NTM: variants seen among roughly 807,000 people sequenced by gnomAD.
NTM encodes IgLON family member 2.
NTM carries 13 observed loss-of-function variants against 42.1 expected under a neutral mutation model. The observed-to-expected ratio is 0.31, with a 90% CI of 0.20 to 0.49. The LOEUF is 0.49. NTM is among the 20% of genes least tolerant of loss of function. The pLI, the probability that NTM is intolerant of heterozygous loss-of-function variation, is 0.99. For missense variants in NTM, 373 were observed against 452.8 expected, an observed-to-expected ratio of 0.82 and a Z score of 1.60; for synonymous variants, 187 against 179.2, an observed-to-expected ratio of 1.04 and a Z score of -0.35.
At chr11:132,128,197 A>G (rs775656626) in intron 2 of NTM, among the ~76,000 whole-genome samples, 2 of 151,862 alleles carry the variant, frequency 1.3e-5, no homozygotes, top group East Asian at 1.9e-4. Context: ...TTTCCCAGAC[A>G]CTAAAGTATA....
chr11:131,850,979 T>G (rs1352348908), intron 1 of NTM, among the ~76,000 whole-genome samples: 1 of 152,138 alleles, frequency 6.6e-6, no homozygotes, highest in Non-Finnish European at 1.5e-5. Flanking sequence ...TTGCAGAACA[T>G]CATTCCTACC....
At chr11:131,449,945 A>T (rs1466711889) in intron 1 of NTM, among the ~76,000 whole-genome samples, 1 of 152,124 alleles carries the variant, frequency 6.6e-6, no homozygotes, top group East Asian at 1.9e-4. Context: ...CCCCATGTTT[A>T]CTCACGCACG....
At chr11:131,487,492 T>G (rs1954304976) in intron 1 of NTM, among the ~76,000 whole-genome samples, 1 of 152,230 alleles carries the variant, frequency 6.6e-6, no homozygotes, top group East Asian at 1.9e-4. Context: ...CCAGTAGCCA[T>G]GACTTCCTGT....
At chr11:131,381,927 G>A (rs1234376201) in intron 1 of NTM, among the ~76,000 whole-genome samples, 2 of 152,216 alleles carry the variant, frequency 1.3e-5, no homozygotes, top group African/African-American at 4.8e-5. Context: ...GGGAGGTACA[G>A]CTAAGCATAA....
chr11:131,502,719 C>T (rs879678928), intron 1 of NTM: 1 of 152,220 alleles, frequency 6.6e-6, no homozygotes, highest in Non-Finnish European at 1.5e-5. Context: ...AAAACGTAGC[C>T]TCCAAAAGGC....
intron 1 of NTM, among the ~76,000 whole-genome samples, chr11:131,664,834 G>A (rs932513293): frequency 2.2e-5 from 3 of 136,802 alleles, no homozygotes; most frequent in Non-Finnish European, 3.1e-5. Flanking sequence ...TTTTACATCT[G>A]TTGCCATCCT....
At chr11:132,220,543 A>T (rs2084936658) in intron 4 of NTM, among the ~76,000 whole-genome samples, 1 of 152,248 alleles carries the variant, frequency 6.6e-6, no homozygotes, top group African/African-American at 2.4e-5. Flanking sequence ...CAATGTGCTG[A>T]ATTGAGAACA....
Position 132,206,647 on chromosome 11 carries a change from T to C in NTM, c.401-5375T>C, listed in dbSNP as rs372794217. Among the ~76,000 whole-genome samples, 20 of 152,344 alleles carry C rather than the reference T, an allele frequency of 1.3e-4. 1 individual carries two copies. The highest frequency in any genetic ancestry group is 4.6e-4 in the African/African-American group (19 of 41,576). ...GCCGGATCTCAGCCCCTGCTCTGCGTTGCCTCTTGTAGTCAATAGACATTG... is the reference window on the plus strand; with the variant it reads ...GCCGGATCTCAGCCCCTGCTCTGCGCTGCCTCTTGTAGTCAATAGACATTG... On this transcript the variant is annotated intron_variant, in intron 3 of 8. Coordinates refer to ENST00000683400, the MANE Select transcript of NTM (RefSeq NM_001352005.2).
chr11:131,937,015 CA>C, intron 2 of NTM, among the ~76,000 whole-genome samples: 1 of 152,278 alleles, frequency 6.6e-6, no homozygotes, highest in Admixed American at 6.5e-5. Context: ...ATCTTAGGTC[CA>C]AAGAAAAAGG....
chr11:131,622,947 T>C (rs996361170), intron 1 of NTM, among the ~76,000 whole-genome samples: 3 of 152,122 alleles, frequency 2.0e-5, no homozygotes, highest in Non-Finnish European at 4.4e-5. Flanking sequence ...AGACTTCAAA[T>C]TGGCGTTCTC....
chr11:132,202,071 C>G (rs2081247466), intron 3 of NTM, among the ~76,000 whole-genome samples: 1 of 152,168 alleles, frequency 6.6e-6, no homozygotes, highest in Non-Finnish European at 1.5e-5. Context: ...TTAATTGATT[C>G]CTTTCTCATT....
intron 1 of NTM, among the ~76,000 whole-genome samples, chr11:131,540,205 C>T (rs1163885885): frequency 3.3e-5 from 4 of 121,090 alleles, no homozygotes; most frequent in Non-Finnish European, 6.4e-5. Context: ...CCCTCTGTTG[C>T]CCAGGAAGGA....
intron 1 of NTM, among the ~76,000 whole-genome samples, chr11:131,855,375 C>G (rs1005536170): frequency 3.9e-5 from 6 of 152,172 alleles, no homozygotes; most frequent in African/African-American, 1.4e-4. Context: ...CCATACCACA[C>G]TCAGAAGCAA....
chr11:131,881,746 T>A (rs902790872), intron 1 of NTM, among the ~76,000 whole-genome samples: 1 of 152,172 alleles, frequency 6.6e-6, no homozygotes, highest in African/African-American at 2.4e-5. Context: ...TCTCTCCAAT[T>A]ATTGAGTACC....
At position 132,335,798 on chromosome 11, in the gene NTM, TTTCA is replaced by T. The variant is rs1411446203; in HGVS notation, c.*655_*658del. The T allele has an allele frequency of 4.6e-5, 7 of 152,258 alleles. No homozygotes were observed. Among genetic ancestry groups the T allele is most frequent in the South Asian group, 4.2e-4 (2 of 4,818 alleles). 9.4% of individuals were successfully genotyped at this position (152,258 alleles called of 1,614,324 possible). A position where few individuals can be genotyped will look rare whatever the true frequency, so the allele number is the denominator to read the frequency against. On this transcript the variant is annotated 3_prime_UTR_variant, in exon 9 of 9. Coordinates refer to ENST00000683400, the MANE Select transcript of NTM (RefSeq NM_001352005.2). ...ACAAGGGATTCTGATTCATTATTAA[TTTCA>T]TTAATTATATTTTCTGATATGAGTC... is the stretch of plus-strand genomic sequence containing the variant.
At chr11:131,490,049 G>A (rs892143998) in intron 1 of NTM, among the ~76,000 whole-genome samples, 9 of 152,168 alleles carry the variant, frequency 5.9e-5, no homozygotes, top group Non-Finnish European at 2.9e-5. Flanking sequence ...TGGCGAGAGA[G>A]GAAGCAAGGG....
intron 4 of NTM, among the ~76,000 whole-genome samples, chr11:132,262,496 G>A (rs2139560730): frequency 6.6e-6 from 1 of 152,320 alleles, no homozygotes; most frequent in South Asian, 2.1e-4. Flanking sequence ...TCTGGTGGGG[G>A]CTCTCTTCTT....
At chr11:131,983,336 T>C (rs1391567667) in intron 2 of NTM, among the ~76,000 whole-genome samples, 1 of 151,900 alleles carries the variant, frequency 6.6e-6, no homozygotes, top group Admixed American at 6.6e-5. Flanking sequence ...ACAAACCTCA[T>C]TTTTCACCTC....
intron 1 of NTM, among the ~76,000 whole-genome samples, chr11:131,828,748 C>A (rs1390063959): frequency 6.6e-6 from 1 of 152,156 alleles, no homozygotes; most frequent in Admixed American, 6.5e-5. Flanking sequence ...TTTTACTCAA[C>A]CAGCTTCTTT....
Sources: allele counts gnomAD v4.1 joint callset (sites outside exome capture counted in the v4.1 genomes callset), GRCh38; gene constraint gnomAD v4.1.1; transcripts MANE v1.5; gene names NCBI Gene and HGNC (gene_info 2026-07-23, HGNC 2026-07-21).